ARID1B: variants seen among roughly 807,000 people sequenced by gnomAD.
The protein encoded by ARID1B is AT-rich interactive domain-containing protein 1B.
A neutral mutation model predicts 212.3 loss-of-function variants in ARID1B; 30 were observed. The ratio of observed to expected loss-of-function variants is 0.14; its 90% CI spans 0.11 to 0.19. The LOEUF is 0.19. Ranked by LOEUF, ARID1B falls within the 10% of genes least tolerant of loss-of-function variation. ARID1B has a pLI of 1.00. For missense variants in ARID1B, 2,891 were observed against 3,204.0 expected, an observed-to-expected ratio of 0.90 and a Z score of 2.36; for synonymous variants, 1,402 against 1,301.7, an observed-to-expected ratio of 1.08 and a Z score of -1.66.
intron 2 of ARID1B, among the ~76,000 whole-genome samples, chr6:156,850,520 G>A (rs1784516390): frequency 6.6e-6 from 1 of 152,194 alleles, no homozygotes. Flanking sequence ...GAATGGGGAA[G>A]TGGAAACACT....
At chr6:157,128,878 C>T (rs1354244685) in intron 6 of ARID1B, among the ~76,000 whole-genome samples, 1 of 152,194 alleles carries the variant, frequency 6.6e-6, no homozygotes, top group Non-Finnish European at 1.5e-5. Flanking sequence ...AACCATTTGC[C>T]TTTGGCCAGG....
rs1307062286 is a variant in ARID1B, at chr6:157,204,006, C to T, written c.5394+10C>T. 3 of 1,613,882 alleles carry T rather than the reference C, an allele frequency of 1.9e-6. No individual in the cohort carries two copies. The Admixed American group carries it at 5.0e-5, about 27-fold the overall frequency. ...TTTCAATCTCTCCCAGGTAAGCCAGCATAGTCCAACTAACAACCAAATTAG... is the reference window on the plus strand; with the variant it reads ...TTTCAATCTCTCCCAGGTAAGCCAGTATAGTCCAACTAACAACCAAATTAG... On this transcript the variant is annotated intron_variant, in intron 19 of 19. Transcript: ENST00000636930.
chr6:156,880,214 G>C (rs906311602), intron 2 of ARID1B, among the ~76,000 whole-genome samples: 1 of 152,152 alleles, frequency 6.6e-6, no homozygotes, highest in African/African-American at 2.4e-5. Context: ...GGAAAAGAAG[G>C]ATGTGATAAG....
chr6:156,924,203 C>T (rs762208233), intron 3 of ARID1B, among the ~76,000 whole-genome samples: 4 of 152,076 alleles, frequency 2.6e-5, no homozygotes, highest in Admixed American at 2.0e-4. Context: ...GTTCCAAGAC[C>T]CCCAGTGGAT....
At chr6:156,879,206 C>T (rs1479995866) in intron 2 of ARID1B, among the ~76,000 whole-genome samples, 5 of 152,180 alleles carry the variant, frequency 3.3e-5, no homozygotes, top group Non-Finnish European at 7.3e-5. Context: ...TCTGGTTCTG[C>T]GAGGGCTAAT....
At position 156,865,326 on chromosome 6, in the gene ARID1B, C is replaced by T. The variant is rs1442544245; in HGVS notation, c.1986+35905C>T. ...TCTTTAAAATAAAAGACATTTTACCCTCATGCATGACTTATAGATTGAGAA... is the reference window on the plus strand; with the variant it reads ...TCTTTAAAATAAAAGACATTTTACCTTCATGCATGACTTATAGATTGAGAA... On this transcript the variant is annotated intron_variant, in intron 2 of 19. Transcript: ENST00000636930. 5.3e-5 allele frequency among the ~76,000 whole-genome samples: 8 copies of T among 152,124 alleles called. No individual in the cohort carries two copies. In the East Asian group the frequency reaches 1.4e-3, roughly 26 times the overall value.
intron 2 of ARID1B, among the ~76,000 whole-genome samples, chr6:156,874,156 C>T (rs2128151769): frequency 6.6e-6 from 1 of 152,306 alleles, no homozygotes; most frequent in East Asian, 1.9e-4. Context: ...ACTGCAGCCT[C>T]AACCTCCTGG....
intron 4 of ARID1B, among the ~76,000 whole-genome samples, chr6:156,974,452 A>G (rs1777107637): frequency 6.6e-6 from 1 of 152,110 alleles, no homozygotes. Context: ...GTGTAGAGGT[A>G]AAGAGGAAAC....
intron 7 of ARID1B, among the ~76,000 whole-genome samples, chr6:157,135,086 G>A (rs999321643): frequency 6.6e-6 from 1 of 151,220 alleles, no homozygotes; most frequent in Non-Finnish European, 1.5e-5. Flanking sequence ...ACTATAGAAT[G>A]GATTTTTTTT....
chr6:156,946,570 G>A (rs1374493369), intron 4 of ARID1B, among the ~76,000 whole-genome samples: 1 of 152,094 alleles, frequency 6.6e-6, no homozygotes, highest in East Asian at 1.9e-4. Flanking sequence ...TTTAACATAT[G>A]CAAAACTTCA....
At chr6:157,180,603 C>A (rs1227174463) in intron 11 of ARID1B, among the ~76,000 whole-genome samples, 2 of 152,108 alleles carry the variant, frequency 1.3e-5, no homozygotes, top group Non-Finnish European at 2.9e-5. Context: ...AATTTTAATT[C>A]ACTATGATCA....
At chr6:157,154,382 T>TA (rs1790406150) in intron 8 of ARID1B, among the ~76,000 whole-genome samples, 2 of 152,150 alleles carry the variant, frequency 1.3e-5, no homozygotes, top group South Asian at 4.1e-4. Context: ...AGAGGTTCCA[T>TA]AAGGACACAG....
chr6:157,142,781 A>AT (rs1276297522), intron 7 of ARID1B, among the ~76,000 whole-genome samples: 1 of 152,166 alleles, frequency 6.6e-6, no homozygotes, highest in African/African-American at 2.4e-5. Flanking sequence ...CTAATTATGC[A>AT]TTTCTTTTTT....
intron 4 of ARID1B, among the ~76,000 whole-genome samples, chr6:157,060,965 A>G (rs1352838909): frequency 6.6e-6 from 1 of 152,012 alleles, no homozygotes; most frequent in Admixed American, 6.6e-5. Context: ...CTTTAAAAAA[A>G]TGTTACAGAG....
chr6:156,848,349 A>G (rs1784362867), intron 2 of ARID1B, among the ~76,000 whole-genome samples: 1 of 152,254 alleles, frequency 6.6e-6, no homozygotes. Context: ...ACAAAAGTCA[A>G]GTCTGTAGCC....
intron 4 of ARID1B, among the ~76,000 whole-genome samples, chr6:156,946,206 A>AG (rs1793125188): frequency 7.3e-6 from 1 of 136,804 alleles, no homozygotes; most frequent in African/African-American, 2.6e-5. Context: ...AAAATACGAA[A>AG]AAAAAAAAAA....
At chr6:157,030,941 G>A (rs1040106366) in intron 4 of ARID1B, among the ~76,000 whole-genome samples, 45 of 152,114 alleles carry the variant, frequency 3.0e-4, no homozygotes, top group African/African-American at 1.0e-3. Context: ...CTGGCTAACG[G>A]TGCACTGAGC....
At chr6:157,059,723 T>G (rs1783219318) in intron 4 of ARID1B, among the ~76,000 whole-genome samples, 1 of 152,178 alleles carries the variant, frequency 6.6e-6, no homozygotes, top group Admixed American at 6.5e-5. Context: ...CCTGGTGGGC[T>G]CTAAAGCTCC....
intron 4 of ARID1B, among the ~76,000 whole-genome samples, chr6:156,980,556 T>C (rs948752986): frequency 2.0e-5 from 3 of 152,176 alleles, no homozygotes; most frequent in South Asian, 2.1e-4. Flanking sequence ...GTGCCAGTCA[T>C]TGGGGATACA....
Sources: gnomAD v4.1 joint callset for allele counts (sites outside exome capture counted in the v4.1 genomes callset) on GRCh38, gnomAD v4.1.1 for gene constraint, MANE v1.5 for transcripts, NCBI Gene and HGNC (gene_info 2026-07-23, HGNC 2026-07-21) for gene names.